The following ARHGAP32 variants were observed in gnomAD, a reference collection of about 807,000 sequenced individuals.
ARHGAP32 encodes rho GTPase-activating protein 32.
A neutral mutation model predicts 186.5 loss-of-function variants in ARHGAP32; 51 were observed. The observed-to-expected ratio is 0.27, with a 90% CI of 0.22 to 0.35. The LOEUF (loss-of-function observed/expected upper bound fraction) is 0.35. Among genes scored for constraint, ARHGAP32 ranks in the 10% least tolerant of loss-of-function variants. ARHGAP32 has a pLI of 1.00. For synonymous variants in ARHGAP32, 950 were observed against 964.3 expected (o/e 0.99, Z 0.27); for missense variants, 2,186 against 2,623.5 (o/e 0.83, Z 3.64).
rs886102587 is a variant in ARHGAP32, at chr11:129,143,088, T to TATATATATATATATATATATAA, written c.226-18195_226-18194insTTATATATATATATATATATAT. On this transcript the variant is annotated intron_variant, in intron 2 of 22. Transcript: ENST00000682385. ...GTAAAACTGCATATATATATATATATAATCAACTGAATAAACGAGATTTTG... is the reference window on the plus strand; with the variant it reads ...GTAAAACTGCATATATATATATATATATATATATATATATATATATAAAATCAACTGAATAAACGAGATTTTG... 5.0e-4 allele frequency among the ~76,000 whole-genome samples: 74 copies of TATATATATATATATATATATAA among 149,066 alleles called. 1 individual carries two copies. Among genetic ancestry groups the TATATATATATATATATATATAA allele is most frequent in the Middle Eastern group, 3.4e-3 (1 of 290 alleles).
rs202110152 is a variant in ARHGAP32 at position 128,978,909 on chromosome 11, C to T, written c.1983G>A (p.Arg661=). ...GAGACTTTTTCATCTTATTTTGAGGCCTCTTTCTATGAAAGAGAAAAAATA... is the reference window on the plus strand; with the variant it reads ...GAGACTTTTTCATCTTATTTTGAGGTCTCTTTCTATGAAAGAGAAAAAATA... ...TIIEFPLERK[R]PQNKMKKSPV... Residue 661 remains arginine (R), a synonymous_variant, in exon 19 of 23, where the codon AGG becomes AGA. Coordinates refer to ENST00000682385, the MANE Select transcript of ARHGAP32 (RefSeq NM_001378024.1). 1.2e-6 allele frequency: 2 copies of T among 1,600,840 alleles called. No homozygotes were observed. Among genetic ancestry groups the T allele is most frequent in the Admixed American group, 1.8e-5 (1 of 56,708 alleles).
chr11:129,080,854 T>C (rs578146015), intron 6 of ARHGAP32, among the ~76,000 whole-genome samples: 4 of 151,836 alleles, frequency 2.6e-5, no homozygotes, highest in Non-Finnish European at 2.9e-5. Flanking sequence ...CACTAGACCA[T>C]TGGCAATATC....
intron 2 of ARHGAP32, among the ~76,000 whole-genome samples, chr11:129,150,872 C>A (rs1358909360): frequency 6.6e-6 from 1 of 151,148 alleles, no homozygotes; most frequent in Non-Finnish European, 1.5e-5. Context: ...CATCTCAATA[C>A]TAACAGTGAA....
intron 11 of ARHGAP32, among the ~76,000 whole-genome samples, chr11:129,033,759 G>A (rs1477413267): frequency 6.6e-6 from 1 of 152,172 alleles, no homozygotes; most frequent in East Asian, 1.9e-4. Flanking sequence ...TGTGTATGGG[G>A]TTAAATAAGG....
chr11:129,268,066 G>A (rs1945427823), intron 1 of ARHGAP32, among the ~76,000 whole-genome samples: 1 of 152,120 alleles, frequency 6.6e-6, no homozygotes, highest in Non-Finnish European at 1.5e-5. Context: ...TCAACATTAG[G>A]TTTGGAGGGG....
chr11:129,034,829 A>G (rs1194549523), intron 11 of ARHGAP32, among the ~76,000 whole-genome samples: 1 of 139,284 alleles, frequency 7.2e-6, no homozygotes, highest in Non-Finnish European at 1.5e-5. Flanking sequence ...AAAAAAAGAA[A>G]AAGAAGAAAA....
chr11:128,975,474 A>C (rs1321359603), intron 20 of ARHGAP32, among the ~76,000 whole-genome samples: 1 of 152,212 alleles, frequency 6.6e-6, no homozygotes, highest in African/African-American at 2.4e-5. Flanking sequence ...ATTTCTAAAT[A>C]AATTGAACTT....
intron 1 of ARHGAP32, among the ~76,000 whole-genome samples, chr11:129,209,889 G>A (rs560959726): frequency 2.2e-4 from 33 of 152,216 alleles, no homozygotes; most frequent in African/African-American, 6.7e-4. Context: ...AGATGAAATC[G>A]ACATAAATCA....
chr11:129,183,515 G>GT (rs1464706068), intron 1 of ARHGAP32, among the ~76,000 whole-genome samples: 2 of 151,976 alleles, frequency 1.3e-5, no homozygotes, highest in East Asian at 3.8e-4. Flanking sequence ...TATCATGTAG[G>GT]TTTTAGAGTT....
upstream of ARHGAP32, among the ~76,000 whole-genome samples, chr11:129,193,732 A>G (rs186005314): frequency 2.5e-5 from 2 of 80,314 alleles, no homozygotes; most frequent in African/African-American, 1.1e-4. Context: ...TATTATATAT[A>G]ATATATATTA....
chr11:129,079,129 G>T (rs1030761454), intron 6 of ARHGAP32, among the ~76,000 whole-genome samples: 1 of 152,260 alleles, frequency 6.6e-6, no homozygotes, highest in East Asian at 1.9e-4. Context: ...ATGACTAAAC[G>T]TAACAATAAT....
At chr11:129,068,070 C>G (rs1940754656) in intron 6 of ARHGAP32, among the ~76,000 whole-genome samples, 1 of 152,042 alleles carries the variant, frequency 6.6e-6, no homozygotes, top group South Asian at 2.1e-4. Flanking sequence ...GGTCCCTATT[C>G]TAAGAGATGC....
chr11:129,186,852 G>C (rs2135545173), intron 1 of ARHGAP32, among the ~76,000 whole-genome samples: 1 of 152,212 alleles, frequency 6.6e-6, no homozygotes, highest in African/African-American at 2.4e-5. Flanking sequence ...ATATCCAAAA[G>C]AAAGGCAATA....
In ARHGAP32 at chr11:128,970,365, T is replaced by G; in HGVS notation, c.4848A>C (p.Thr1616=). Residue 1616 remains threonine, a synonymous_variant, in exon 23 of 23, where the codon ACA becomes ACC. Coordinates refer to ENST00000682385, the MANE Select transcript of ARHGAP32 (RefSeq NM_001378024.1). This position sits in a 1 kb window ranked among gnomAD's most constrained non-coding sequence, Gnocchi z 5.8. ...SMIRSVPISR[T]EVPPDDEPAY... is the part of the protein sequence containing the mutation. ...CTGGCTCATCATCTGGGGGAACTTC[T>G]GTCCGTGAAATGGGAACAGAGCGAA... The G allele has an allele frequency of 6.2e-7, 1 of 1,614,176 alleles. No individual in the cohort carries two copies. The highest frequency in any genetic ancestry group is 8.5e-7 in the Non-Finnish European group (1 of 1,180,022).
chr11:129,081,131 C>CA (rs1188819158), intron 6 of ARHGAP32, among the ~76,000 whole-genome samples: 3 of 151,178 alleles, frequency 2.0e-5, no homozygotes, highest in South Asian at 2.1e-4. Context: ...AAACTGCCAA[C>CA]AAAAAAAAGT....
At chr11:129,152,038 A>G (rs1450631780) in intron 2 of ARHGAP32, among the ~76,000 whole-genome samples, 1 of 152,124 alleles carries the variant, frequency 6.6e-6, no homozygotes, top group Non-Finnish European at 1.5e-5. Context: ...ACAGGAGATA[A>G]TACAACTGAT....
At position 129,139,208 on chromosome 11, in the gene ARHGAP32, T is replaced by C. The variant is rs1218690093; in HGVS notation, c.226-14314A>G. Among the ~76,000 whole-genome samples the C allele has an allele frequency of 3.3e-5, 5 of 152,116 alleles. No individual in the cohort carries two copies. The East Asian group carries it at 9.7e-4, about 29-fold the overall frequency. On this transcript the variant is annotated intron_variant, in intron 2 of 22. Transcript: ENST00000682385. The stretch of plus-strand genomic sequence containing the variant: ...AGTTAAGTAATTCCCTATAAAATAA[T>C]AGTAAAAAGAAAAAGCAAAACTCAT...
chr11:129,070,892 A>T (rs561812785), intron 6 of ARHGAP32, among the ~76,000 whole-genome samples: 15 of 152,170 alleles, frequency 9.9e-5, no homozygotes, highest in African/African-American at 3.4e-4. Flanking sequence ...ATGAAGCTAA[A>T]CACAATTTCA....
intron 1 of ARHGAP32, among the ~76,000 whole-genome samples, chr11:129,261,074 A>G (rs915979649): frequency 1.4e-4 from 21 of 151,542 alleles, no homozygotes; most frequent in South Asian, 4.2e-4. Flanking sequence ...CACTCCTCAG[A>G]AAAAAAAATG....
Sources: allele counts gnomAD v4.1 joint callset (sites outside exome capture counted in the v4.1 genomes callset), GRCh38; gene constraint gnomAD v4.1.1; non-coding constraint Gnocchi (gnomAD v3.1); transcripts MANE v1.5; gene names NCBI Gene and HGNC (gene_info 2026-07-23, HGNC 2026-07-21).